The following IQSEC1 variants were observed in gnomAD, a reference collection of about 807,000 sequenced individuals.
The protein encoded by IQSEC1 is IQ motif and Sec7 domain ArfGEF 1.
A neutral mutation model predicts 91.0 loss-of-function variants in IQSEC1; 31 were observed. The observed-to-expected ratio is 0.34, with a 90% CI of 0.26 to 0.46. IQSEC1 has a LOEUF of 0.46. Ranked by LOEUF, IQSEC1 falls within the 20% of genes least tolerant of loss-of-function variation. The pLI is 1.00. For synonymous variants in IQSEC1, 699 were observed against 662.6 expected (o/e 1.05, Z -0.84); for missense variants, 1,388 against 1,575.6 (o/e 0.88, Z 2.02).
intron 12 of IQSEC1, among the ~76,000 whole-genome samples, chr3:12,905,382 C>A (rs190886326): frequency 1.2e-4 from 19 of 152,390 alleles, no homozygotes; most frequent in Admixed American, 4.6e-4. Context: ...TGTGGTTGGG[C>A]TGGTGGCCTT....
chr3:13,171,689 A>G (rs529713211), intron 1 of IQSEC1, among the ~76,000 whole-genome samples: 1 of 152,224 alleles, frequency 6.6e-6, no homozygotes, highest in Admixed American at 6.5e-5. Flanking sequence ...AACAACATCT[A>G]TAGAGACCCA....
chr3:13,044,134 C>T (rs1409006529), intron 1 of IQSEC1, among the ~76,000 whole-genome samples: 1 of 152,232 alleles, frequency 6.6e-6, no homozygotes, highest in Non-Finnish European at 1.5e-5. Flanking sequence ...AAGTCTCCCA[C>T]CTCAGGTGGC....
At chr3:13,050,414 C>T (rs1704653632) in intron 1 of IQSEC1, among the ~76,000 whole-genome samples, 1 of 152,144 alleles carries the variant, frequency 6.6e-6, no homozygotes, top group Non-Finnish European at 1.5e-5. Flanking sequence ...CCGGGGATAG[C>T]AATAACAGCG....
chr3:12,904,745 A>G (rs1433581882), intron 12 of IQSEC1, among the ~76,000 whole-genome samples: 1 of 152,168 alleles, frequency 6.6e-6, no homozygotes, highest in Non-Finnish European at 1.5e-5. Flanking sequence ...GGCTGACTAA[A>G]AACCAGGGCC....
intron 2 of IQSEC1, among the ~76,000 whole-genome samples, chr3:13,130,341 CAAAAAAAAAA>C (rs58162524): frequency 1.6e-5 from 1 of 61,882 alleles, no homozygotes; most frequent in Admixed American, 1.8e-4. Context: ...GAGACTCTGT[CAAAAAAAAAA>C]AAAAAAAAAA....
At chr3:12,976,766 G>A (rs1332952531) in intron 1 of IQSEC1, among the ~76,000 whole-genome samples, 1 of 152,084 alleles carries the variant, frequency 6.6e-6, no homozygotes, top group East Asian at 1.9e-4. Flanking sequence ...TCTATAGCAG[G>A]TGCTCAATAA....
In IQSEC1 at chr3:12,935,468, G is replaced by A. The variant is rs767440268; in HGVS notation, c.1548C>T (p.Ile516=). The change falls in exon 3 of 14, where the codon ATC becomes ATT. Residue 516 remains isoleucine (I), a synonymous_variant. Transcript: ENST00000613206. This position sits in a 1 kb window ranked among gnomAD's most constrained non-coding sequence, Gnocchi z 8.0. The part of the protein sequence containing the change: ...NDVIRKRHYR[I]GLNLFNKKPE... The stretch of plus-strand genomic sequence containing the variant: ...CTCACTTGTTGAAGAGGTTCAGGCC[G>A]ATGCGGTAGTGCCTCTTGCGGATGA... The A allele has an allele frequency of 3.1e-5, 50 of 1,612,342 alleles. No homozygotes were observed. Among genetic ancestry groups the A allele is most frequent in the African/African-American group, 4.0e-5 (3 of 74,912 alleles).
At chr3:13,002,968 C>T (rs1477463977) in intron 1 of IQSEC1, among the ~76,000 whole-genome samples, 2 of 152,028 alleles carry the variant, frequency 1.3e-5, no homozygotes, top group Non-Finnish European at 2.9e-5. Context: ...AGCAATTCCA[C>T]TTCTAGGTAT....
chr3:12,924,768 A>G lies in IQSEC1; in HGVS notation c.1569-26T>C. The G allele has an allele frequency of 1.3e-6, 2 of 1,525,720 alleles. No individual in the cohort carries two copies. Among genetic ancestry groups the G allele is most frequent in the Non-Finnish European group, 1.8e-6 (2 of 1,131,064 alleles). The allele number at this position is 1,525,720 out of a possible 1,614,324, so 94.5% of individuals were successfully genotyped here. On this transcript the variant is annotated intron_variant, in intron 3 of 13. Transcript: ENST00000613206. This position sits in a 1 kb window ranked among gnomAD's most constrained non-coding sequence, Gnocchi z 6.3. Reference sequence around the variant, plus strand: ...CTGGGGTAGGACGAGAGGCACACTCAGTCCCAGCTGCCCGGCCACCAGCCA... The same window carrying G: ...CTGGGGTAGGACGAGAGGCACACTCGGTCCCAGCTGCCCGGCCACCAGCCA...
chr3:13,074,442 G>A (rs949940246), upstream of IQSEC1, among the ~76,000 whole-genome samples: 10 of 152,222 alleles, frequency 6.6e-5, no homozygotes, highest in Admixed American at 2.0e-4. Flanking sequence ...CTTCCTGTCT[G>A]ATGTTCATCT....
rs1359013360 is a variant in IQSEC1 at position 12,917,256 on chromosome 3, C to T, written c.2021-1523G>A. On this transcript the variant is annotated intron_variant, in intron 6 of 13. Transcript: ENST00000613206. ...CCTACACGGACACATCAGCGTCACC[C>T]GAGGTCCATGTTTTAGATTGGGGTC... 4.6e-5 allele frequency among the ~76,000 whole-genome samples: 7 copies of T among 152,236 alleles called. No individual in the cohort carries two copies. In the East Asian group the frequency reaches 5.8e-4, roughly 13 times the overall value.
intron 1 of IQSEC1, among the ~76,000 whole-genome samples, chr3:13,243,598 C>T (rs995117475): frequency 1.3e-5 from 2 of 152,190 alleles, no homozygotes; most frequent in South Asian, 2.1e-4. Context: ...TGAGGTCAAG[C>T]GGATGCGCTG....
chr3:12,945,375 C>T (rs945053775), intron 1 of IQSEC1, among the ~76,000 whole-genome samples: 2 of 152,004 alleles, frequency 1.3e-5, no homozygotes, highest in Non-Finnish European at 2.9e-5. Flanking sequence ...CTGACAGTCA[C>T]CCACAGTCTT....
chr3:13,119,127 A>C (rs977847097), intron 2 of IQSEC1, among the ~76,000 whole-genome samples: 2 of 152,160 alleles, frequency 1.3e-5, no homozygotes, highest in East Asian at 3.8e-4. Context: ...GTTTTGCAAC[A>C]ATTTAAAAAA....
At chr3:13,169,964 A>G (rs1194972625) in intron 1 of IQSEC1, among the ~76,000 whole-genome samples, 2 of 152,242 alleles carry the variant, frequency 1.3e-5, no homozygotes, top group Non-Finnish European at 2.9e-5. Flanking sequence ...AGAAATTTAC[A>G]TAAGTAATGA....
intron 2 of IQSEC1, among the ~76,000 whole-genome samples, chr3:13,152,443 C>A (rs536763287): frequency 1.3e-5 from 2 of 152,370 alleles, no homozygotes; most frequent in East Asian, 3.9e-4. Context: ...AACCATGGAG[C>A]TCTCTGAGAC....
chr3:13,254,909 CTG>C (rs1163928520), intron 1 of IQSEC1, among the ~76,000 whole-genome samples: 1 of 152,220 alleles, frequency 6.6e-6, no homozygotes, highest in Admixed American at 6.5e-5. Context: ...CATGCGGTCT[CTG>C]TGCATCCACA....
chr3:13,127,432 A>AC (rs1179836579), intron 2 of IQSEC1, among the ~76,000 whole-genome samples: 41 of 112,298 alleles, frequency 3.7e-4, no homozygotes, highest in African/African-American at 2.2e-3. Context: ...ACAACAAAAA[A>AC]ACAAACAAAC....
chr3:13,003,901 G>A (rs919603423), intron 1 of IQSEC1, among the ~76,000 whole-genome samples: 1 of 152,192 alleles, frequency 6.6e-6, no homozygotes, highest in Non-Finnish European at 1.5e-5. Flanking sequence ...TGTTTGCAGT[G>A]ACATCTCAAA....
Sources: gnomAD v4.1 joint callset for allele counts (sites outside exome capture counted in the v4.1 genomes callset) on GRCh38, gnomAD v4.1.1 for gene constraint, Gnocchi (gnomAD v3.1) non-coding constraint, MANE v1.5 for transcripts, NCBI Gene and HGNC (gene_info 2026-07-23, HGNC 2026-07-21) for gene names.